GARRE1: variants seen among roughly 807,000 people sequenced by gnomAD.
GARRE1 encodes granule associated Rac and RHOG effector 1.
In GARRE1, 49 loss-of-function variants were observed where a neutral mutation model predicts 103.2. The ratio of observed to expected loss-of-function variants is 0.47; its 90% CI spans 0.38 to 0.60. The LOEUF is 0.60. GARRE1 is among the 20% of genes least tolerant of loss of function. The pLI is 0.00. For synonymous variants in GARRE1, 505 were observed against 532.8 expected (o/e 0.95, Z 0.72); for missense variants, 1,199 against 1,370.5 (o/e 0.87, Z 1.98).
intron 12 of GARRE1, 112 bp from the exon 13 acceptor site, chr19:34,351,402 C>T: frequency 2.4e-6 from 2 of 827,242 alleles, no homozygotes; most frequent in East Asian, 2.5e-5. Context: ...AGGCCTCCTC[C>T]CCTCCTAGAA....
Position 34,352,390 on chromosome 19 carries a change from A to ACT in GARRE1, c.2905-256_2905-255dup, listed in dbSNP as rs2074242926. 1.5e-4 allele frequency among the ~76,000 whole-genome samples: 22 copies of ACT among 149,638 alleles called. No homozygotes were observed. In the South Asian group the frequency reaches 4.7e-3, roughly 32 times the overall value. On this transcript the variant is annotated intron_variant, in intron 13 of 13. Transcript: ENST00000299505. ...GCACTCCAGCCTGGGCGAGAGACAG[A>ACT]CTGCATCTCAAAAAAAAAAAAAAAA...
At chr19:34,330,152 G>T (rs1189107897) in intron 6 of GARRE1, 37 bp from the exon 7 acceptor site, 1 of 1,591,368 alleles carries the variant, frequency 6.3e-7, no homozygotes, top group Non-Finnish European at 8.6e-7. Context: ...GCATGGCTTT[G>T]TCTTGAGGTG....
At chr19:34,310,591 C>T (rs887285962) in intron 2 of GARRE1, among the ~76,000 whole-genome samples, 1 of 152,228 alleles carries the variant, frequency 6.6e-6, no homozygotes, top group Non-Finnish European at 1.5e-5. Context: ...GCCTGCCTTC[C>T]TCTTCTCCCA....
rs574227907 is a variant in GARRE1 at position 34,298,917 on chromosome 19, CAG to C, written c.-795-761_-795-760del. Reference sequence around the variant, plus strand: ...TCTGCTATTTGAACCTATCCAGAGTCAGGGGTTCTAAGAAGCCACCCAAGGTG... The same window carrying C: ...TCTGCTATTTGAACCTATCCAGAGTCGGGTTCTAAGAAGCCACCCAAGGTG... On this transcript the variant is annotated intron_variant, in intron 1 of 13. Coordinates refer to ENST00000299505, the MANE Select transcript of GARRE1 (RefSeq NM_014686.5). Among the ~76,000 whole-genome samples the C allele has an allele frequency of 1.8e-4, 27 of 152,304 alleles. No homozygotes were observed. In the East Asian group the frequency reaches 4.4e-3, roughly 25 times the overall value.
At chr19:34,330,116 T>G (rs2074130512) in intron 6 of GARRE1, 73 bp from the exon 7 acceptor site, 1 of 1,319,232 alleles carries the variant, frequency 7.6e-7, no homozygotes, top group Non-Finnish European at 1.1e-6. Context: ...ATTGTATAAA[T>G]GCATTTTTAC....
At chr19:34,282,256 A>G (rs915943152) in intron 1 of GARRE1, among the ~76,000 whole-genome samples, 8 of 104,132 alleles carry the variant, frequency 7.7e-5, no homozygotes, top group Non-Finnish European at 1.3e-4. Context: ...GGTTCAAGCA[A>G]TTCTCCTGCC....
At chr19:34,273,259 C>G (rs564012962) in intron 1 of GARRE1, among the ~76,000 whole-genome samples, 3 of 152,270 alleles carry the variant, frequency 2.0e-5, no homozygotes, top group African/African-American at 7.2e-5. Flanking sequence ...GTGCCTGGCT[C>G]TTACCCACAG....
intron 5 of GARRE1, 44 bp downstream of exon 5, chr19:34,327,910 T>C (rs972984761): frequency 6.2e-7 from 1 of 1,612,854 alleles, no homozygotes; most frequent in Non-Finnish European, 8.5e-7. Flanking sequence ...ATGGCGCTGC[T>C]CCTGCAGTCT....
At chr19:34,344,060 A>G (rs1240275134) in intron 10 of GARRE1, among the ~76,000 whole-genome samples, 4 of 152,208 alleles carry the variant, frequency 2.6e-5, no homozygotes, top group African/African-American at 9.6e-5. Flanking sequence ...TAAGCTTTGG[A>G]AAATGATAAA....
chr19:34,343,686 AAAAAT>A (rs1349539755), intron 10 of GARRE1, among the ~76,000 whole-genome samples: 2 of 151,958 alleles, frequency 1.3e-5, no homozygotes, highest in Non-Finnish European at 2.9e-5. Flanking sequence ...CATCTCTACA[AAAAAT>A]AAAAAATTAG....
intron 2 of GARRE1, among the ~76,000 whole-genome samples, chr19:34,306,612 C>G (rs953572107): frequency 1.3e-5 from 2 of 152,210 alleles, no homozygotes; most frequent in Admixed American, 1.3e-4. Flanking sequence ...TGAGTTGTGA[C>G]TATGGGGTTT....
chr19:34,277,571 G>C (rs2073824225), intron 1 of GARRE1, among the ~76,000 whole-genome samples: 1 of 152,224 alleles, frequency 6.6e-6, no homozygotes, highest in Non-Finnish European at 1.5e-5. Flanking sequence ...TTTTTGGGTG[G>C]TACTGTGTAC....
chr19:34,289,594 C>T (rs914428400), intron 1 of GARRE1, among the ~76,000 whole-genome samples: 1 of 151,184 alleles, frequency 6.6e-6, no homozygotes, highest in Non-Finnish European at 1.5e-5. Flanking sequence ...TGTGGTGGCG[C>T]GTGTCTGTTA....
At chr19:34,297,863 A>G (rs1484687371) in intron 1 of GARRE1, among the ~76,000 whole-genome samples, 1 of 152,218 alleles carries the variant, frequency 6.6e-6, no homozygotes, top group African/African-American at 2.4e-5. Context: ...AATTTTGTTG[A>G]ACATAGAGCC....
Position 34,330,316 on chromosome 19 carries a change from C to T in GARRE1, c.1232C>T (p.Ala411Val), listed in dbSNP as rs1443928971. 1.2e-6 allele frequency: 2 copies of T among 1,614,112 alleles called. No individual in the cohort carries two copies. Among genetic ancestry groups the T allele is most frequent in the Non-Finnish European group, 1.7e-6 (2 of 1,180,004 alleles). The change falls in exon 7 of 14, where the codon GCG becomes GTG. Residue 411 changes from alanine (A) to valine (V), a missense_variant. By Grantham distance (64) the Ala-to-Val change is moderately conservative. Transcript: ENST00000299505. ...PSTWRGACKT[A>V]VQLLFGQAGL... is the part of the protein sequence containing the mutation. ...ACATGGCGAGGTGCCTGCAAGACGG[C>T]GGTGCAGCTGCTGTTTGGCCAGGCT...
chr19:34,289,260 CTA>C (rs961961362), intron 1 of GARRE1, among the ~76,000 whole-genome samples: 1 of 152,134 alleles, frequency 6.6e-6, no homozygotes, highest in African/African-American at 2.4e-5. Flanking sequence ...TGGTGAAACC[CTA>C]TCTCTACCAA....
Position 34,352,785 on chromosome 19 carries a change from C to T in GARRE1, c.3043C>T (p.Leu1015=). ...GSQWNDTMQM[L]QSPVWAATND... The stretch of plus-strand genomic sequence containing the variant: ...CCAGTGGAACGACACCATGCAGATG[C>T]TGCAGTCCCCAGTGTGGGCCGCAAC... Residue 1015 remains leucine (L), a synonymous_variant, in exon 14 of 14, where the codon CTG becomes TTG. Transcript: ENST00000299505. The T allele has an allele frequency of 1.9e-6, 3 of 1,614,126 alleles. No homozygotes were observed. Among genetic ancestry groups the T allele is most frequent in the Non-Finnish European group, 2.5e-6 (3 of 1,180,024 alleles).
At position 34,286,791 on chromosome 19, in the gene GARRE1, A is replaced by G. The variant is rs112509780; in HGVS notation, c.-795-12888A>G. 8.1e-3 allele frequency among the ~76,000 whole-genome samples: 1,231 copies of G among 152,056 alleles called. 8 individuals carry two copies. Among genetic ancestry groups the G allele is most frequent in the African/African-American group, 0.028 (1,148 of 41,502 alleles). On this transcript the variant is annotated intron_variant, in intron 1 of 13. Transcript: ENST00000299505. ...GCTGGGATTACAGGCGTGAGCCACC[A>G]TGTCCGGCCTTTGTGTATTCTTGAA...
chr19:34,291,571 C>T (rs922336985), intron 1 of GARRE1, among the ~76,000 whole-genome samples: 3 of 152,120 alleles, frequency 2.0e-5, no homozygotes, highest in African/African-American at 7.2e-5. Context: ...CAGGAGAGCT[C>T]AAGAGAGCAA....
Sources: gnomAD v4.1 joint callset for allele counts (sites outside exome capture counted in the v4.1 genomes callset) on GRCh38, gnomAD v4.1.1 for gene constraint, MANE v1.5 for transcripts, NCBI Gene and HGNC (gene_info 2026-07-23, HGNC 2026-07-21) for gene names.